Variants in LGR5 observed in about 807,000 individuals in gnomAD.
LGR5 encodes leucine-rich repeat-containing G protein-coupled receptor 5.
A neutral mutation model predicts 76.7 loss-of-function variants in LGR5; 54 were observed. The ratio of observed to expected loss-of-function variants is 0.70; its 90% CI spans 0.57 to 0.88. The LOEUF is 0.88. Ranked by LOEUF, LGR5 falls within the 40% of genes least tolerant of loss-of-function variation. LGR5 has a pLI of 0.00. For synonymous variants in LGR5, 406 were observed against 421.9 expected (o/e 0.96, Z 0.46); for missense variants, 1,078 against 1,073.3 (o/e 1.00, Z -0.06).
chr12:71,447,929 A>G (rs527385729), intron 1 of LGR5, among the ~76,000 whole-genome samples: 2 of 152,336 alleles, frequency 1.3e-5, no homozygotes, highest in East Asian at 1.9e-4. Flanking sequence ...GCCAGGCGAA[A>G]TTAAGCTTTC....
intron 2 of LGR5, among the ~76,000 whole-genome samples, chr12:71,505,532 T>A (rs930783110): frequency 9.2e-5 from 14 of 152,180 alleles, no homozygotes; most frequent in Admixed American, 2.6e-4. Flanking sequence ...TTGAAAATAT[T>A]TTCTTTATAA....
intron 4 of LGR5, among the ~76,000 whole-genome samples, chr12:71,547,853 T>C (rs889298152): frequency 1.3e-5 from 2 of 152,164 alleles, no homozygotes; most frequent in Non-Finnish European, 1.5e-5. Context: ...GTGATCTGCC[T>C]GCCTTGGCCT....
chr12:71,575,762 CA>C (rs1331783537), intron 13 of LGR5, among the ~76,000 whole-genome samples: 1 of 142,060 alleles, frequency 7.0e-6, no homozygotes, highest in African/African-American at 3.0e-5. Context: ...GTGTGTGTAT[CA>C]TTCTATTATA....
chr12:71,567,732 C>T (rs893491443), intron 11 of LGR5, among the ~76,000 whole-genome samples: 2 of 152,090 alleles, frequency 1.3e-5, no homozygotes, highest in African/African-American at 2.4e-5. Context: ...CCCAGCCTGC[C>T]GTGTCACTTC....
At chr12:71,509,999 T>C (rs562410066) in intron 2 of LGR5, among the ~76,000 whole-genome samples, 1 of 152,278 alleles carries the variant, frequency 6.6e-6, no homozygotes, top group Non-Finnish European at 1.5e-5. Context: ...TACTTCTACT[T>C]CCCCAGCATG....
chr12:71,575,748 G>T (rs925070084), intron 13 of LGR5, among the ~76,000 whole-genome samples: 19 of 151,668 alleles, frequency 1.3e-4, no homozygotes, highest in Admixed American at 1.3e-4. Context: ...GTGTGTGTGT[G>T]TGTGTGTGTG....
At chr12:71,457,528 C>G (rs923309932) in intron 1 of LGR5, among the ~76,000 whole-genome samples, 2 of 152,082 alleles carry the variant, frequency 1.3e-5, no homozygotes, top group Non-Finnish European at 2.9e-5. Flanking sequence ...GAGCACTGTT[C>G]ATTCAAAATA....
intron 3 of LGR5, among the ~76,000 whole-genome samples, 178 bp downstream of exon 3, chr12:71,524,655 G>A (rs1428706014): frequency 1.3e-5 from 2 of 151,934 alleles, no homozygotes; most frequent in South Asian, 2.1e-4. Context: ...AAATTTGTAT[G>A]TGAAAAAAAA....
chr12:71,477,973 A>G (rs1398048910), intron 1 of LGR5, among the ~76,000 whole-genome samples: 1 of 152,120 alleles, frequency 6.6e-6, no homozygotes, highest in Non-Finnish European at 1.5e-5. Context: ...CCCATACCTC[A>G]GTTACTTTAA....
intron 11 of LGR5, among the ~76,000 whole-genome samples, chr12:71,567,991 G>A (rs1384729643): frequency 6.6e-6 from 1 of 152,208 alleles, no homozygotes; most frequent in East Asian, 1.9e-4. Context: ...GGGAGAAAGT[G>A]TGTGTATATC....
Position 71,583,285 on chromosome 12 carries a change from G to A in LGR5, c.1637-362G>A, listed in dbSNP as rs112336322. On this transcript the variant is annotated intron_variant, in intron 17 of 17. Coordinates refer to ENST00000266674, the MANE Select transcript of LGR5 (RefSeq NM_003667.4). ...CCTAGGATTCTCCTTGTCTGCCTATGGAAACTTATGGAAATATTCTGAAAA... is the reference window on the plus strand; with the variant it reads ...CCTAGGATTCTCCTTGTCTGCCTATAGAAACTTATGGAAATATTCTGAAAA... Among the ~76,000 whole-genome samples the A allele has an allele frequency of 7.2e-3, 1,096 of 152,216 alleles. 12 individuals are homozygous for A. Among genetic ancestry groups the A allele is most frequent in the African/African-American group, 0.025 (1,026 of 41,534 alleles).
In LGR5 at chr12:71,512,461, C is replaced by T. The variant is rs149226146; in HGVS notation, c.284+7776C>T. Among the ~76,000 whole-genome samples, 536 of 152,316 alleles carry T rather than the reference C, an allele frequency of 3.5e-3. 4 individuals carry two copies. The highest frequency in any genetic ancestry group is 0.012 in the African/African-American group (482 of 41,568). On this transcript the variant is annotated intron_variant, in intron 2 of 17. Coordinates refer to ENST00000266674, the MANE Select transcript of LGR5 (RefSeq NM_003667.4). The stretch of plus-strand genomic sequence containing the variant: ...CCCATCCTTGAATATGCATTAGAAT[C>T]GCCTAGCACACTTTTTAAAGCTACT...
At chr12:71,478,802 C>A (rs1873454556) in intron 1 of LGR5, among the ~76,000 whole-genome samples, 1 of 152,120 alleles carries the variant, frequency 6.6e-6, no homozygotes, top group South Asian at 2.1e-4. Context: ...TCTGTTTTTA[C>A]TCCTTTGTTT....
intron 2 of LGR5, among the ~76,000 whole-genome samples, chr12:71,519,680 G>T (rs1875633763): frequency 1.3e-5 from 2 of 151,850 alleles, no homozygotes; most frequent in Non-Finnish European, 2.9e-5. Flanking sequence ...ACAAAAATTA[G>T]CCAGGCATGG....
intron 12 of LGR5, among the ~76,000 whole-genome samples, chr12:71,571,849 G>A (rs929948091): frequency 2.6e-5 from 4 of 152,158 alleles, no homozygotes; most frequent in African/African-American, 7.2e-5. Context: ...TGAATTGGGT[G>A]TGTTTGGGCT....
intron 4 of LGR5, among the ~76,000 whole-genome samples, chr12:71,549,659 G>A (rs1254688013): frequency 6.6e-6 from 1 of 152,050 alleles, no homozygotes; most frequent in Non-Finnish European, 1.5e-5. Context: ...CCTGAATTAG[G>A]TTTAGACCAC....
In LGR5 at chr12:71,561,784, A is replaced by AT; in HGVS notation, c.792dup (p.His265SerfsTer2). ...ATAATTTTTTTTCTCTTTCTAGAGG[A>AT]TTTCATAGCAACAATATCAGGTCGA... On this transcript the variant is annotated frameshift_variant, in exon 8 of 18. Coordinates refer to ENST00000266674, the MANE Select transcript of LGR5 (RefSeq NM_003667.4). LOFTEE classifies it high-confidence loss of function. 1 of 1,595,820 alleles carries AT rather than the reference A, an allele frequency of 6.3e-7. No homozygotes were observed. The highest frequency in any genetic ancestry group is 8.6e-7 in the Non-Finnish European group (1 of 1,167,992).
intron 17 of LGR5, 65 bp downstream of exon 17, chr12:71,582,604 C>A: frequency 2.4e-6 from 3 of 1,247,494 alleles, no homozygotes; most frequent in Non-Finnish European, 3.5e-6. Context: ...CCATGAAAAA[C>A]AATACAGCTA....
intron 1 of LGR5, among the ~76,000 whole-genome samples, chr12:71,453,631 G>A (rs1024435735): frequency 1.3e-5 from 2 of 151,798 alleles, no homozygotes; most frequent in Non-Finnish European, 2.9e-5. Context: ...AGAGAAGGTC[G>A]GGAATTCAAC....
Sources: allele counts gnomAD v4.1 joint callset (sites outside exome capture counted in the v4.1 genomes callset), GRCh38; gene constraint gnomAD v4.1.1; transcripts MANE v1.5; gene names NCBI Gene and HGNC (gene_info 2026-07-23, HGNC 2026-07-21).